The following PIP4P2 variants were observed in gnomAD, a reference collection of about 807,000 sequenced individuals.
PIP4P2 encodes the protein type 2 phosphatidylinositol 4,5-bisphosphate 4-phosphatase.
Under a neutral mutation model 33.3 loss-of-function variants are expected in PIP4P2, and 19 were observed. The observed-to-expected ratio is 0.57, with a 90% CI of 0.40 to 0.84. The LOEUF (loss-of-function observed/expected upper bound fraction) is 0.84, where lower values mean the gene tolerates loss of function less well. Among genes scored for constraint, PIP4P2 ranks in the 40% least tolerant of loss-of-function variants. The pLI is 0.00. For synonymous variants in PIP4P2, 110 were observed against 111.9 expected (o/e 0.98, Z 0.11); for missense variants, 270 against 324.7 (o/e 0.83, Z 1.29).
intron 1 of PIP4P2, among the ~76,000 whole-genome samples, chr8:91,030,552 A>G (rs1169201258): frequency 6.6e-6 from 1 of 152,232 alleles, no homozygotes; most frequent in Non-Finnish European, 1.5e-5. Flanking sequence ...TTAAATTTTT[A>G]TTAGTAATAT....
At chr8:91,005,884 G>A (rs1196024427) in intron 5 of PIP4P2, among the ~76,000 whole-genome samples, 1 of 152,168 alleles carries the variant, frequency 6.6e-6, no homozygotes, top group East Asian at 1.9e-4. Context: ...CTTCAGTCTG[G>A]CAGTGGCCAC....
At chr8:91,008,831 A>C in intron 4 of PIP4P2, 36 bp from the exon 5 acceptor site, 1 of 1,530,848 alleles carries the variant, frequency 6.5e-7, no homozygotes, top group Non-Finnish European at 9.0e-7. Context: ...TGAAAAGAAA[A>C]CAACTGAAAA....
Position 90,996,825 on chromosome 8 carries a change from T to C in PIP4P2, c.540-81A>G, listed in dbSNP as rs796339610. 6 of 1,095,556 alleles carry C rather than the reference T, an allele frequency of 5.5e-6. No individual in the cohort carries two copies. The African/African-American group carries it at 9.7e-5, about 18-fold the overall frequency. 67.9% of individuals were successfully genotyped at this position (1,095,556 alleles called of 1,614,324 possible). A position where few individuals can be genotyped will look rare whatever the true frequency, so the allele number is the denominator to read the frequency against. ...TTTCATTTTTGTGAGTTCTTATCTATGGCTTTAGTAATATTATATACTTTT... is the reference window on the plus strand; with the variant it reads ...TTTCATTTTTGTGAGTTCTTATCTACGGCTTTAGTAATATTATATACTTTT... On this transcript the variant is annotated intron_variant, in intron 5 of 6. Coordinates refer to ENST00000285419, the MANE Select transcript of PIP4P2 (RefSeq NM_018710.3).
intron 4 of PIP4P2, among the ~76,000 whole-genome samples, chr8:91,017,916 T>C (rs1370123209): frequency 6.6e-6 from 1 of 152,226 alleles, no homozygotes; most frequent in Non-Finnish European, 1.5e-5. Flanking sequence ...AATGGTTTTA[T>C]CTAATTATGG....
intron 2 of PIP4P2, 119 bp from the exon 3 acceptor site, chr8:91,020,382 A>G (rs1811991232): frequency 4.5e-6 from 4 of 879,646 alleles, no homozygotes; most frequent in South Asian, 1.6e-5. Flanking sequence ...TGCTTTTGTA[A>G]CTTAAGGTTT....
chr8:91,011,195 C>G (rs1488946350), intron 4 of PIP4P2, among the ~76,000 whole-genome samples: 1 of 151,980 alleles, frequency 6.6e-6, no homozygotes, highest in Non-Finnish European at 1.5e-5. Context: ...CCTGAAGGTA[C>G]TAAATTGGCC....
intron 6 of PIP4P2, 84 bp from the exon 7 acceptor site, chr8:90,995,904 A>G: frequency 7.1e-7 from 1 of 1,415,096 alleles, no homozygotes; most frequent in South Asian, 1.5e-5. Context: ...CTTACATGTG[A>G]TTGTTATGAA....
intron 4 of PIP4P2, among the ~76,000 whole-genome samples, chr8:91,010,197 CTAT>C (rs1287025524): frequency 2.6e-5 from 4 of 151,898 alleles, no homozygotes; most frequent in Non-Finnish European, 2.9e-5. Flanking sequence ...GAATATAGAA[CTAT>C]TATTAAGTGC....
intron 5 of PIP4P2, among the ~76,000 whole-genome samples, chr8:91,006,757 T>C (rs927512535): frequency 1.3e-5 from 2 of 152,064 alleles, no homozygotes; most frequent in Non-Finnish European, 2.9e-5. Flanking sequence ...TCACCCGAGG[T>C]CAGGAGTTCG....
At chr8:91,016,196 G>C (rs916593876) in intron 4 of PIP4P2, among the ~76,000 whole-genome samples, 28 of 152,102 alleles carry the variant, frequency 1.8e-4, no homozygotes, top group African/African-American at 6.0e-4. Flanking sequence ...ACAAACAAAG[G>C]CTCCTAGAAA....
chr8:91,039,701 C>A (rs1390435015), intron 1 of PIP4P2, among the ~76,000 whole-genome samples: 1 of 152,078 alleles, frequency 6.6e-6, no homozygotes, highest in Non-Finnish European at 1.5e-5. Context: ...TTTCACTAAC[C>A]TAAGTGGGTT....
At chr8:91,029,761 G>A (rs1204915160) in intron 1 of PIP4P2, among the ~76,000 whole-genome samples, 2 of 152,116 alleles carry the variant, frequency 1.3e-5, no homozygotes, top group Admixed American at 1.3e-4. Flanking sequence ...ACGAGGTCAG[G>A]AGATCGAGAC....
chr8:91,013,128 A>G (rs1242516895), intron 4 of PIP4P2, among the ~76,000 whole-genome samples: 1 of 152,058 alleles, frequency 6.6e-6, no homozygotes, highest in East Asian at 1.9e-4. Flanking sequence ...TTTGCTATCC[A>G]TTCCTCTCCT....
At chr8:91,029,977 A>T (rs925295335) in intron 1 of PIP4P2, among the ~76,000 whole-genome samples, 6 of 152,178 alleles carry the variant, frequency 3.9e-5, no homozygotes, top group Non-Finnish European at 8.8e-5. Context: ...AAAAAAACAA[A>T]AACAAAAACA....
intron 1 of PIP4P2, among the ~76,000 whole-genome samples, chr8:91,022,505 T>A (rs1165318728): frequency 6.6e-6 from 1 of 152,156 alleles, no homozygotes; most frequent in Non-Finnish European, 1.5e-5. Context: ...AAGGTAAAGT[T>A]TTGTCTTGGG....
At chr8:91,031,129 G>A (rs956426141) in intron 1 of PIP4P2, among the ~76,000 whole-genome samples, 2 of 152,176 alleles carry the variant, frequency 1.3e-5, no homozygotes, top group Non-Finnish European at 2.9e-5. Context: ...CCTCATTAAG[G>A]GATGGTAGCA....
intron 5 of PIP4P2, among the ~76,000 whole-genome samples, chr8:91,001,508 T>G (rs1811699459): frequency 6.6e-6 from 1 of 152,068 alleles, no homozygotes. Flanking sequence ...TGGCTAAGTT[T>G]TTTTTTTTAC....
intron 1 of PIP4P2, among the ~76,000 whole-genome samples, chr8:91,039,861 T>C (rs1204660101): frequency 1.3e-5 from 2 of 152,162 alleles, no homozygotes; most frequent in African/African-American, 2.4e-5. Flanking sequence ...CCAGATCCCA[T>C]TGCATTTAAT....
chr8:91,000,926 A>G (rs1811690775), intron 5 of PIP4P2, among the ~76,000 whole-genome samples: 1 of 151,944 alleles, frequency 6.6e-6, no homozygotes, highest in Non-Finnish European at 1.5e-5. Context: ...TCTATGCTAG[A>G]TTCTGGGTAA....
Sources: allele counts gnomAD v4.1 joint callset (sites outside exome capture counted in the v4.1 genomes callset), GRCh38; gene constraint gnomAD v4.1.1; transcripts MANE v1.5; gene names NCBI Gene and HGNC (gene_info 2026-07-23, HGNC 2026-07-21).